SFXN5: variants seen among roughly 807,000 people sequenced by gnomAD.
SFXN5 encodes sideroflexin-5.
In SFXN5, 43 loss-of-function variants were observed where a neutral mutation model predicts 50.2. That is an observed-to-expected ratio of 0.86 (90% CI 0.67 to 1.11). The LOEUF (loss-of-function observed/expected upper bound fraction) is 1.11. Ranked by LOEUF, SFXN5 falls within the 50% of genes least tolerant of loss-of-function variation. The pLI, the probability that SFXN5 is intolerant of heterozygous loss-of-function variation, is 0.00. For synonymous variants in SFXN5, 203 were observed against 185.8 expected, an observed-to-expected ratio of 1.09 and a Z score of -0.75; for missense variants, 463 against 454.1, an observed-to-expected ratio of 1.02 and a Z score of -0.18.
intron 3 of SFXN5, among the ~76,000 whole-genome samples, 165 bp from the exon 4 acceptor site, chr2:73,023,379 G>C (rs1306746502): frequency 6.6e-6 from 1 of 151,832 alleles, no homozygotes; most frequent in African/African-American, 2.4e-5. Flanking sequence ...TCCTATCCTG[G>C]GGGGGGTGAC....
chr2:73,023,911 T>C (rs1481638843), intron 3 of SFXN5, among the ~76,000 whole-genome samples: 2 of 152,062 alleles, frequency 1.3e-5, no homozygotes, highest in Non-Finnish European at 2.9e-5. Flanking sequence ...AGAAACGGAG[T>C]AACTTGTCAA....
In SFXN5 at chr2:72,968,519, C is replaced by T. The variant is rs377180654; in HGVS notation, c.756G>A (p.Thr252=). The T allele has an allele frequency of 2.6e-5, 42 of 1,613,266 alleles. No individual in the cohort carries two copies. The African/African-American group carries it at 4.5e-4, about 17-fold the overall frequency. ...KIAARHALLE[T]ALTRVVLPMP... is the part of the protein sequence containing the mutation. ...TGGGCAGGACCACTCGCGTCAGCGC[C>T]GTCTCCAGCAGGGCCTGAGGGGCAG... Residue 252 remains threonine, a synonymous_variant, in exon 12 of 14, where the codon ACG becomes ACA. Coordinates refer to ENST00000272433, the MANE Select transcript of SFXN5 (RefSeq NM_144579.3).
chr2:72,951,041 A>C (rs2105329552), intron 13 of SFXN5, among the ~76,000 whole-genome samples: 1 of 152,032 alleles, frequency 6.6e-6, no homozygotes, highest in East Asian at 2.0e-4. Flanking sequence ...GGGGCTCCCG[A>C]GGGAGGGGGT....
intron 10 of SFXN5, among the ~76,000 whole-genome samples, chr2:72,979,837 C>T (rs1574019012): frequency 6.6e-6 from 1 of 152,066 alleles, no homozygotes; most frequent in Non-Finnish European, 1.5e-5. Context: ...CATATTTATA[C>T]ACTACATATA....
At chr2:72,962,454 G>A (rs988923281) in intron 12 of SFXN5, among the ~76,000 whole-genome samples, 1 of 152,252 alleles carries the variant, frequency 6.6e-6, no homozygotes, top group Admixed American at 6.5e-5. Context: ...AAGTTAAAGT[G>A]CATCAGCTGG....
intron 1 of SFXN5, among the ~76,000 whole-genome samples, chr2:73,062,559 C>T (rs1401477170): frequency 6.6e-6 from 1 of 152,198 alleles, no homozygotes; most frequent in African/African-American, 2.4e-5. Flanking sequence ...TCTTGTGTCA[C>T]TTTCGACCAT....
chr2:72,962,971 C>T (rs1057188685), intron 12 of SFXN5, among the ~76,000 whole-genome samples: 1 of 152,236 alleles, frequency 6.6e-6, no homozygotes, highest in Non-Finnish European at 1.5e-5. Flanking sequence ...TCTCTCTCTA[C>T]TCCATGCTAG....
At chr2:73,070,508 G>C (rs891490867) in intron 1 of SFXN5, 3 of 152,278 alleles carry the variant, frequency 2.0e-5, no homozygotes, top group African/African-American at 7.2e-5. Flanking sequence ...TGGCCGCCTC[G>C]GCTGCCGCCC....
At chr2:73,038,131 G>C (rs945024250) in intron 3 of SFXN5, among the ~76,000 whole-genome samples, 5 of 152,230 alleles carry the variant, frequency 3.3e-5, no homozygotes, top group African/African-American at 1.2e-4. Context: ...AGATGGGCAA[G>C]CCTGCAACAC....
chr2:73,007,344 T>C (rs1674835459), intron 6 of SFXN5, among the ~76,000 whole-genome samples: 1 of 152,110 alleles, frequency 6.6e-6, no homozygotes. Flanking sequence ...TAGGGCGAAC[T>C]GTCTTGTTCG....
At chr2:73,022,268 C>T (rs1489057497) in intron 5 of SFXN5, among the ~76,000 whole-genome samples, 2 of 152,122 alleles carry the variant, frequency 1.3e-5, no homozygotes, top group African/African-American at 4.8e-5. Flanking sequence ...GTGGGGGCTA[C>T]CAGATTCACC....
chr2:72,975,247 C>T lies in SFXN5; in HGVS notation c.626-3562G>A, dbSNP rs952778501. 2.6e-5 allele frequency among the ~76,000 whole-genome samples: 4 copies of T among 152,128 alleles called. No individual in the cohort carries two copies. In the East Asian group the frequency reaches 5.8e-4, roughly 22 times the overall value. The stretch of plus-strand genomic sequence containing the variant: ...GATTGTGAAAAGCTAATGAAGCACC[C>T]GGTGTAAAAGGGGCAGTGTGGGGAG... On this transcript the variant is annotated intron_variant, in intron 10 of 13. Coordinates refer to ENST00000272433, the MANE Select transcript of SFXN5 (RefSeq NM_144579.3).
chr2:72,977,977 A>AC (rs1426043999), intron 10 of SFXN5, among the ~76,000 whole-genome samples: 1 of 147,152 alleles, frequency 6.8e-6, no homozygotes, highest in Non-Finnish European at 1.5e-5. Context: ...TGCCTCAGAA[A>AC]AAAAAAAAAA....
intron 2 of SFXN5, among the ~76,000 whole-genome samples, chr2:73,051,144 A>G (rs886994793): frequency 1.3e-5 from 2 of 151,784 alleles, no homozygotes; most frequent in African/African-American, 4.8e-5. Flanking sequence ...CACTGTCACT[A>G]TCCCATAAGT....
intron 1 of SFXN5, among the ~76,000 whole-genome samples, chr2:73,062,290 G>A (rs1419246964): frequency 6.6e-6 from 1 of 152,150 alleles, no homozygotes; most frequent in African/African-American, 2.4e-5. Context: ...GTGGGCTGAT[G>A]AGCAGCCAAT....
At chr2:72,967,973 G>A (rs542263260) in intron 12 of SFXN5, among the ~76,000 whole-genome samples, 35 of 152,112 alleles carry the variant, frequency 2.3e-4, no homozygotes, top group East Asian at 7.7e-4. Context: ...TGTATTTTAC[G>A]AGCAGAGAAA....
intron 13 of SFXN5, among the ~76,000 whole-genome samples, chr2:72,946,938 C>T (rs1377516064): frequency 3.9e-5 from 6 of 152,214 alleles, no homozygotes; most frequent in Non-Finnish European, 8.8e-5. Context: ...GATTTTGGTT[C>T]CTCGCACACC....
chr2:73,069,667 G>T (rs1349766108), intron 1 of SFXN5, among the ~76,000 whole-genome samples: 1 of 152,166 alleles, frequency 6.6e-6, no homozygotes, highest in Admixed American at 6.5e-5. Flanking sequence ...TGCAGGAACA[G>T]GGTAGCCTAA....
intron 10 of SFXN5, among the ~76,000 whole-genome samples, chr2:72,975,279 A>G (rs1670503169): frequency 6.6e-6 from 1 of 152,234 alleles, no homozygotes; most frequent in Non-Finnish European, 1.5e-5. Context: ...GGAGGAAGAA[A>G]GAGCAGTAGA....
Sources: allele counts gnomAD v4.1 joint callset (sites outside exome capture counted in the v4.1 genomes callset), GRCh38; gene constraint gnomAD v4.1.1; transcripts MANE v1.5; gene names NCBI Gene and HGNC (gene_info 2026-07-23, HGNC 2026-07-21).